Variants in DNER observed in about 807,000 individuals in gnomAD.
DNER encodes the protein delta and Notch-like epidermal growth factor-related receptor.
In DNER, 33 loss-of-function variants were observed where a neutral mutation model predicts 78.2. The observed-to-expected ratio is 0.42, with a 90% CI of 0.32 to 0.56. DNER has a LOEUF of 0.56. Ranked by LOEUF, DNER falls within the 20% of genes least tolerant of loss-of-function variation. The pLI is 0.11. For synonymous variants in DNER, 417 were observed against 384.8 expected, an observed-to-expected ratio of 1.08 and a Z score of -0.98; for missense variants, 918 against 975.3, an observed-to-expected ratio of 0.94 and a Z score of 0.78.
intron 1 of DNER, among the ~76,000 whole-genome samples, chr2:229,620,729 T>A (rs1434342916): frequency 6.6e-6 from 1 of 152,186 alleles, no homozygotes; most frequent in Non-Finnish European, 1.5e-5. Context: ...TGAAGTCCCA[T>A]CCCTCGGTAT....
intron 1 of DNER, among the ~76,000 whole-genome samples, chr2:229,610,148 G>A (rs533578891): frequency 6.6e-6 from 1 of 152,260 alleles, no homozygotes; most frequent in Admixed American, 6.5e-5. Flanking sequence ...TCAGACTTTG[G>A]AATAAGCCAT....
At chr2:229,519,278 T>C (rs2154212520) in intron 5 of DNER, among the ~76,000 whole-genome samples, 1 of 152,290 alleles carries the variant, frequency 6.6e-6, no homozygotes, top group African/African-American at 2.4e-5. Flanking sequence ...TGTGTGTTGG[T>C]GAACAAATCA....
At chr2:229,395,684 A>G (rs1248108051) in intron 10 of DNER, among the ~76,000 whole-genome samples, 1 of 152,172 alleles carries the variant, frequency 6.6e-6, no homozygotes, top group Admixed American at 6.5e-5. Context: ...GGATCACCTG[A>G]GGTAAGGAGT....
intron 4 of DNER, among the ~76,000 whole-genome samples, chr2:229,563,994 ATCC>A (rs1303697968): frequency 1.5e-5 from 2 of 134,864 alleles, no homozygotes; most frequent in African/African-American, 5.9e-5. Context: ...CATCATCATC[ATCC>A]TCACCCCATC....
intron 1 of DNER, among the ~76,000 whole-genome samples, chr2:229,619,672 T>C (rs1698221301): frequency 6.6e-6 from 1 of 152,190 alleles, no homozygotes; most frequent in African/African-American, 2.4e-5. Context: ...GGACCATTTC[T>C]TAAAAATGAC....
At chr2:229,416,009 G>A (rs956695610) in intron 9 of DNER, among the ~76,000 whole-genome samples, 9 of 152,180 alleles carry the variant, frequency 5.9e-5, no homozygotes, top group Non-Finnish European at 1.3e-4. Context: ...ACTGCCCTGT[G>A]AGCCCATTCT....
intron 5 of DNER, among the ~76,000 whole-genome samples, chr2:229,514,774 C>A (rs534414045): frequency 3.3e-5 from 5 of 152,294 alleles, no homozygotes; most frequent in African/African-American, 1.2e-4. Context: ...GAGGATGCCC[C>A]TCACAACAAC....
chr2:229,527,008 ATTCTTTT>A (rs1574886070), intron 5 of DNER, among the ~76,000 whole-genome samples: 1 of 152,176 alleles, frequency 6.6e-6, no homozygotes, highest in East Asian at 1.9e-4. Context: ...GCAAGCTCAA[ATTCTTTT>A]TTCTAAGTAT....
At chr2:229,606,376 TG>T (rs1238077966) in intron 1 of DNER, 1 of 151,960 alleles carries the variant, frequency 6.6e-6, no homozygotes, top group Non-Finnish European at 1.5e-5. Flanking sequence ...AGCCCACAAA[TG>T]AAGCCTCTTA....
intron 4 of DNER, 67 bp from the exon 5 acceptor site, chr2:229,547,159 T>C (rs1696644456): frequency 6.3e-7 from 1 of 1,583,150 alleles, no homozygotes; most frequent in South Asian, 1.1e-5. Flanking sequence ...TGTTGAAAGC[T>C]TTACCAACAG....
At chr2:229,483,677 G>A (rs1695213756) in intron 6 of DNER, among the ~76,000 whole-genome samples, 1 of 152,142 alleles carries the variant, frequency 6.6e-6, no homozygotes, top group Non-Finnish European at 1.5e-5. Flanking sequence ...GACATTCTGG[G>A]ATGCCAAAAA....
intron 1 of DNER, among the ~76,000 whole-genome samples, chr2:229,684,400 C>T (rs1699449866): frequency 6.6e-6 from 1 of 151,968 alleles, no homozygotes; most frequent in Non-Finnish European, 1.5e-5. Flanking sequence ...TCCTCCTCTA[C>T]CCGGATTTCA....
chr2:229,683,159 A>G (rs1196124699), intron 1 of DNER, among the ~76,000 whole-genome samples: 1 of 152,234 alleles, frequency 6.6e-6, no homozygotes, highest in Non-Finnish European at 1.5e-5. Context: ...TAGGCAGTCC[A>G]GTTGGTGGTT....
At chr2:229,680,214 G>A (rs1699363045) in intron 1 of DNER, among the ~76,000 whole-genome samples, 1 of 152,076 alleles carries the variant, frequency 6.6e-6, no homozygotes, top group Non-Finnish European at 1.5e-5. Flanking sequence ...ATATGGTCCC[G>A]GGTATGGAAT....
intron 9 of DNER, among the ~76,000 whole-genome samples, chr2:229,410,246 G>A (rs537231302): frequency 5.9e-5 from 9 of 152,258 alleles, no homozygotes; most frequent in South Asian, 2.1e-4. Flanking sequence ...AGAGCATGCC[G>A]GGACTGTCAT....
At chr2:229,611,455 G>T (rs1013519261) in intron 1 of DNER, among the ~76,000 whole-genome samples, 1 of 152,130 alleles carries the variant, frequency 6.6e-6, no homozygotes, top group South Asian at 2.1e-4. Flanking sequence ...AATTACATAA[G>T]AAGTAAATTT....
intron 11 of DNER, among the ~76,000 whole-genome samples, chr2:229,367,462 G>T (rs188245415): frequency 6.6e-6 from 1 of 151,976 alleles, no homozygotes; most frequent in Non-Finnish European, 1.5e-5. Context: ...TTAGCTGGGC[G>T]TGGTGGTGGA....
At chr2:229,390,231 C>A (rs953864532) in intron 10 of DNER, among the ~76,000 whole-genome samples, 5 of 152,212 alleles carry the variant, frequency 3.3e-5, no homozygotes, top group Non-Finnish European at 7.3e-5. Context: ...TGCTCTGTAA[C>A]CTTTACAAGA....
intron 1 of DNER, among the ~76,000 whole-genome samples, chr2:229,684,325 T>C (rs1437838253): frequency 6.6e-6 from 1 of 151,686 alleles, no homozygotes; most frequent in East Asian, 1.9e-4. Context: ...GGGGAACAGA[T>C]TTAAATGTCT....
Sources: gnomAD v4.1 joint callset for allele counts (sites outside exome capture counted in the v4.1 genomes callset) on GRCh38, gnomAD v4.1.1 for gene constraint, MANE v1.5 for transcripts, NCBI Gene and HGNC (gene_info 2026-07-23, HGNC 2026-07-21) for gene names.